Variants in NBEA observed in about 807,000 individuals in gnomAD.
NBEA encodes the protein neurobeachin.
NBEA carries 44 observed loss-of-function variants against 343.4 expected under a neutral mutation model. The observed-to-expected ratio is 0.13, with a 90% CI of 0.10 to 0.16. NBEA has a LOEUF of 0.16. NBEA is among the 10% of genes least tolerant of loss of function. NBEA has a pLI of 1.00. For synonymous variants in NBEA, 1,175 were observed against 1,238.7 expected, an observed-to-expected ratio of 0.95 and a Z score of 1.08; for missense variants, 2,555 against 3,631.3, an observed-to-expected ratio of 0.70 and a Z score of 7.62.
intron 1 of NBEA, among the ~76,000 whole-genome samples, chr13:34,986,734 A>G (rs1428064695): frequency 1.3e-5 from 2 of 150,786 alleles, no homozygotes; most frequent in Admixed American, 6.6e-5. Flanking sequence ...TTGGGTGCAT[A>G]TATATTTAGG....
chr13:35,034,480 A>G (rs2062364200), intron 1 of NBEA, among the ~76,000 whole-genome samples: 1 of 150,672 alleles, frequency 6.6e-6, no homozygotes, highest in Non-Finnish European at 1.5e-5. Context: ...TCTTTATTTT[A>G]TTTTATTTTT....
intron 17 of NBEA, among the ~76,000 whole-genome samples, chr13:35,135,612 A>G (rs2067676145): frequency 6.6e-6 from 1 of 152,024 alleles, no homozygotes; most frequent in African/African-American, 2.4e-5. Flanking sequence ...TCAAAAGCTA[A>G]CTCAGATGAA....
chr13:35,126,252 T>G (rs978489617), intron 17 of NBEA, among the ~76,000 whole-genome samples: 2 of 152,114 alleles, frequency 1.3e-5, no homozygotes, highest in African/African-American at 4.8e-5. Context: ...CTACTTCTCC[T>G]TGCCTTCCAC....
chr13:35,423,809 A>T lies in NBEA; in HGVS notation c.6180-8460A>T, dbSNP rs566935443. On this transcript the variant is annotated intron_variant, in intron 38 of 58. Coordinates refer to ENST00000379939, the MANE Select transcript of NBEA (RefSeq NM_001385012.1). ...ATGGAATGTTCTTCCATTTGTTTGT[A>T]TCCTCTTTTATTTCATTGAGCAGTG... Among the ~76,000 whole-genome samples the T allele has an allele frequency of 3.3e-5, 5 of 152,072 alleles. No individual in the cohort carries two copies. The South Asian group carries it at 1.0e-3, about 32-fold the overall frequency.
rs572393284 is a variant in NBEA at position 35,072,705 on chromosome 13, G to GCAC, written c.1571+1855_1571+1857dup. Among the ~76,000 whole-genome samples, 176 of 152,196 alleles carry GCAC rather than the reference G, an allele frequency of 1.2e-3. 1 individual carries two copies. The highest frequency in any genetic ancestry group is 4.0e-3 in the African/African-American group (168 of 41,540). ...GCCTCCCAAGCAGCTGGGATTACAGGCACCTGCCACCATGCCCAGCTAATT... is the reference window on the plus strand; with the variant it reads ...GCCTCCCAAGCAGCTGGGATTACAGGCACCACCTGCCACCATGCCCAGCTAATT... On this transcript the variant is annotated intron_variant, in intron 10 of 58. Coordinates refer to ENST00000379939, the MANE Select transcript of NBEA (RefSeq NM_001385012.1).
chr13:35,171,095 A>C (rs866257135), intron 25 of NBEA, 177 bp from the exon 26 acceptor site: 3 of 742,256 alleles, frequency 4.0e-6, no homozygotes, highest in African/African-American at 1.7e-5. Flanking sequence ...TGATAGGTAA[A>C]GTAACCGAAT....
At chr13:35,506,784 G>T (rs1469482542) in intron 41 of NBEA, among the ~76,000 whole-genome samples, 1 of 152,086 alleles carries the variant, frequency 6.6e-6, no homozygotes, top group Admixed American at 6.6e-5. Context: ...TGATTCCTAG[G>T]TCCATGTTCT....
rs771587473 is a variant in NBEA at position 35,472,380 on chromosome 13, C to T, written c.6449-20C>T. 28 of 1,611,010 alleles carry T rather than the reference C, an allele frequency of 1.7e-5. No homozygotes were observed. Among genetic ancestry groups the T allele is most frequent in the Non-Finnish European group, 2.3e-5 (27 of 1,178,784 alleles). On this transcript the variant is annotated intron_variant, in intron 40 of 58. Transcript: ENST00000379939. ...GGGCCACAGGGGCTCAGCCTGACTC[C>T]CCTTGTCCTTGCCTTGCAGGCCCAG...
At chr13:35,664,493 A>G (rs377337925) in intron 55 of NBEA, among the ~76,000 whole-genome samples, 6 of 152,382 alleles carry the variant, frequency 3.9e-5, no homozygotes, top group East Asian at 1.9e-4. Flanking sequence ...AGAGAAAAAT[A>G]TAGAACTTTT....
chr13:35,137,919 A>T (rs1002077294), intron 17 of NBEA, among the ~76,000 whole-genome samples: 11 of 151,982 alleles, frequency 7.2e-5, no homozygotes, highest in African/African-American at 2.2e-4. Flanking sequence ...CAAGAAAATT[A>T]AAAAAAACCT....
intron 10 of NBEA, among the ~76,000 whole-genome samples, chr13:35,079,179 A>G (rs981951393): frequency 3.3e-5 from 5 of 152,202 alleles, no homozygotes; most frequent in Non-Finnish European, 5.9e-5. Context: ...GCCAAAGTCT[A>G]TATTTTTGCC....
At chr13:34,965,298 G>A (rs1050658666) in intron 1 of NBEA, among the ~76,000 whole-genome samples, 5 of 151,992 alleles carry the variant, frequency 3.3e-5, no homozygotes, top group African/African-American at 1.2e-4. Flanking sequence ...ACTAAATAAT[G>A]TGTTCAGGCC....
intron 13 of NBEA, among the ~76,000 whole-genome samples, chr13:35,113,627 A>ATCTATCTG (rs138177740): frequency 0.012 from 1,832 of 150,642 alleles, 37 homozygotes; most frequent in African/African-American, 0.04. Flanking sequence ...CTATCTATCT[A>ATCTATCTG]TCTGTCTGTC....
chr13:35,045,449 C>T (rs1234840357), intron 4 of NBEA, 48 bp downstream of exon 4: 2 of 1,411,880 alleles, frequency 1.4e-6, no homozygotes, highest in South Asian at 1.3e-5. Flanking sequence ...ATTTTTAGGT[C>T]ACCTTTAGTA....
intron 11 of NBEA, among the ~76,000 whole-genome samples, chr13:35,098,979 A>T (rs2065479194): frequency 6.6e-6 from 1 of 151,634 alleles, no homozygotes; most frequent in African/African-American, 2.4e-5. Flanking sequence ...GCGTCAGGAT[A>T]AGGAGGGAGT....
chr13:35,180,758 T>C (rs576886234), intron 28 of NBEA, among the ~76,000 whole-genome samples: 2 of 151,958 alleles, frequency 1.3e-5, no homozygotes, highest in East Asian at 3.9e-4. Flanking sequence ...TGTGAGACTT[T>C]GATGCACCCA....
intron 38 of NBEA, among the ~76,000 whole-genome samples, chr13:35,392,484 G>GT (rs71081250): frequency 0.081 from 11,035 of 136,164 alleles, 618 homozygotes; most frequent in African/African-American, 0.17. Context: ...TGTTTTTTTT[G>GT]TTTTTTTTTT....
intron 47 of NBEA, among the ~76,000 whole-genome samples, chr13:35,596,440 A>G (rs1036859851): frequency 1.8e-4 from 28 of 152,134 alleles, no homozygotes; most frequent in African/African-American, 6.8e-4. Flanking sequence ...AATGTCTACT[A>G]ACTTAGTCAG....
At chr13:35,145,847 C>T (rs556083816) in intron 18 of NBEA, among the ~76,000 whole-genome samples, 15 of 152,134 alleles carry the variant, frequency 9.9e-5, no homozygotes, top group Non-Finnish European at 5.9e-5. Context: ...AGACAATATT[C>T]TTCATTTTGT....
Sources: gnomAD v4.1 joint callset for allele counts (sites outside exome capture counted in the v4.1 genomes callset) on GRCh38, gnomAD v4.1.1 for gene constraint, MANE v1.5 for transcripts, NCBI Gene and HGNC (gene_info 2026-07-23, HGNC 2026-07-21) for gene names.